PALLD: variants seen among roughly 807,000 people sequenced by gnomAD.
PALLD encodes the protein palladin.
Under a neutral mutation model 123.5 loss-of-function variants are expected in PALLD, and 61 were observed. The ratio of observed to expected loss-of-function variants is 0.49; its 90% confidence interval spans 0.40 to 0.61. The LOEUF (loss-of-function observed/expected upper bound fraction) is 0.61, where lower values mean the gene tolerates loss of function less well. Among genes scored for constraint, PALLD ranks in the 20% least tolerant of loss-of-function variants. The pLI, the probability that PALLD is intolerant of heterozygous loss-of-function variation, is 0.00. For missense variants in PALLD, 1,273 were observed against 1,377.0 expected, an observed-to-expected ratio of 0.92 and a Z score of 1.20; for synonymous variants, 465 against 496.4, an observed-to-expected ratio of 0.94 and a Z score of 0.84.
At chr4:168,509,511 C>T (rs1294864905) in intron 1 of PALLD, among the ~76,000 whole-genome samples, 1 of 152,112 alleles carries the variant, frequency 6.6e-6, no homozygotes, top group African/African-American at 2.4e-5. Flanking sequence ...TATAATTGTT[C>T]CTCATATACG....
chr4:168,790,565 C>T (rs1648017029), intron 10 of PALLD, among the ~76,000 whole-genome samples: 1 of 152,124 alleles, frequency 6.6e-6, no homozygotes, highest in Non-Finnish European at 1.5e-5. Context: ...ATTGACCAAT[C>T]TATGCTTTCT....
rs146972640 is a variant in PALLD, at chr4:168,511,771, C to A, written c.267C>A (p.His89Gln). Residue 89 changes from histidine (H) to glutamine (Q), a missense_variant, in exon 2 of 22, where the codon CAC (histidine) becomes CAA (glutamine). By Grantham distance (24) the His-to-Gln change is conservative. Transcript: ENST00000505667. ...ATAAGGAGACCAAATTGGGTGAACA[C>A]GCCTCGAGGAGACCTCAGGATAACA... ...PSHKETKLGE[H>Q]ASRRPQDNRS... The A allele has an allele frequency of 4.3e-6, 7 of 1,614,052 alleles. No homozygotes were observed. The African/African-American group carries it at 8.0e-5, about 18-fold the overall frequency.
chr4:168,695,063 T>C (rs952052658), intron 8 of PALLD, among the ~76,000 whole-genome samples: 6 of 152,188 alleles, frequency 3.9e-5, no homozygotes, highest in African/African-American at 1.4e-4. Context: ...CGTGCAAAAT[T>C]AAAAACACAA....
chr4:168,711,716 A>G lies in PALLD; in HGVS notation c.1757A>G (p.Gln586Arg). 1.2e-6 allele frequency: 2 copies of G among 1,614,196 alleles called. No homozygotes were observed. The highest frequency in any genetic ancestry group is 1.1e-5 in the South Asian group (1 of 91,084). The change falls in exon 10 of 22, where the codon CAG (glutamine) becomes CGG (arginine). Residue 586 changes from glutamine (Q) to arginine (R), a missense_variant. This residue lies in a region of PALLD where 944 missense variants were observed against 954.5 expected (regional missense o/e 0.99). Transcript: ENST00000505667. ...TCAAAGAAACCATCTGAGATCCAGCAGGTGAACAACCCTGAGTTAGGCCTG... is the reference window on the plus strand; with the variant it reads ...TCAAAGAAACCATCTGAGATCCAGCGGGTGAACAACCCTGAGTTAGGCCTG... ...LASKKPSEIQ[Q>R]VNNPELGLSR...
At position 168,711,677 on chromosome 4, in the gene PALLD, C is replaced by T; in HGVS notation, c.1718C>T (p.Ser573Phe). ...CCCCCTCCAATCTTGGAGACAAGTT[C>T]CTTGGAGTTGGCTTCAAAGAAACCA... is the stretch of plus-strand genomic sequence containing the variant. ...PPPPPILETSSLELASKKPSE... is the reference protein window; with the variant it reads ...PPPPPILETSFLELASKKPSE... The change falls in exon 10 of 22, where the codon TCC (serine) becomes TTC (phenylalanine). Residue 573 changes from serine (S) to phenylalanine (F), a missense_variant. Physicochemically the swap from Ser to Phe is radical, Grantham distance 155. This residue lies in a region of PALLD where 944 missense variants were observed against 954.5 expected (regional missense o/e 0.99). Coordinates refer to ENST00000505667, the MANE Select transcript of PALLD (RefSeq NM_001166108.2). The T allele has an allele frequency of 6.2e-7, 1 of 1,614,070 alleles. No individual in the cohort carries two copies. Among genetic ancestry groups the T allele is most frequent in the Non-Finnish European group, 8.5e-7 (1 of 1,179,972 alleles).
intron 10 of PALLD, among the ~76,000 whole-genome samples, chr4:168,754,639 G>A (rs1024813791): frequency 6.6e-5 from 10 of 152,296 alleles, no homozygotes; most frequent in African/African-American, 2.4e-4. Context: ...GATAAAAACA[G>A]GATTCAACCG....
intron 2 of PALLD, among the ~76,000 whole-genome samples, chr4:168,655,392 G>C (rs1388782700): frequency 6.6e-6 from 1 of 152,208 alleles, no homozygotes; most frequent in Non-Finnish European, 1.5e-5. Context: ...TGTTTGAGAT[G>C]CCTGTTTTGT....
chr4:168,820,848 C>T (rs983317743), intron 10 of PALLD, among the ~76,000 whole-genome samples: 3 of 152,086 alleles, frequency 2.0e-5, no homozygotes, highest in Admixed American at 2.0e-4. Flanking sequence ...CAAAAATTAC[C>T]TGCATCAGTG....
intron 10 of PALLD, among the ~76,000 whole-genome samples, chr4:168,807,614 G>C (rs1344668167): frequency 6.6e-6 from 1 of 151,710 alleles, no homozygotes; most frequent in Non-Finnish European, 1.5e-5. Context: ...TCTCCATGTT[G>C]GTCAGGCTGG....
chr4:168,592,330 G>A (rs1192695980), intron 2 of PALLD, among the ~76,000 whole-genome samples: 4 of 151,960 alleles, frequency 2.6e-5, no homozygotes, highest in African/African-American at 4.8e-5. Context: ...AGCCTATTAT[G>A]GATTTTTATG....
intron 10 of PALLD, among the ~76,000 whole-genome samples, chr4:168,716,620 G>A (rs1785392686): frequency 6.6e-6 from 1 of 152,058 alleles, no homozygotes. Context: ...TGCAAATCCT[G>A]TCTCCAGAGA....
intron 10 of PALLD, among the ~76,000 whole-genome samples, chr4:168,733,012 T>G (rs115547797): frequency 4.1e-3 from 629 of 152,286 alleles, no homozygotes; most frequent in African/African-American, 0.014. Context: ...AAAAGAAATG[T>G]TTAGGACTCA....
At chr4:168,782,526 A>G (rs776211979) in intron 10 of PALLD, among the ~76,000 whole-genome samples, 1 of 152,142 alleles carries the variant, frequency 6.6e-6, no homozygotes, top group Non-Finnish European at 1.5e-5. Flanking sequence ...GGCCATATGG[A>G]CTCTATAATA....
chr4:168,624,114 G>T (rs980036189), intron 2 of PALLD, among the ~76,000 whole-genome samples: 1 of 151,762 alleles, frequency 6.6e-6, no homozygotes, highest in Non-Finnish European at 1.5e-5. Context: ...TAATATTTTT[G>T]GTCACAATGC....
At chr4:168,784,414 T>G (rs941702807) in intron 10 of PALLD, among the ~76,000 whole-genome samples, 1 of 148,680 alleles carries the variant, frequency 6.7e-6, no homozygotes, top group African/African-American at 2.5e-5. Flanking sequence ...ACTGCAGGAG[T>G]GAGGAAGCCA....
At chr4:168,790,224 T>C (rs143144239) in intron 10 of PALLD, among the ~76,000 whole-genome samples, 4,556 of 150,750 alleles carry the variant, frequency 0.03, 220 homozygotes, top group African/African-American at 0.1. Context: ...TGCAATGGCG[T>C]AATCTCAGCT....
intron 2 of PALLD, among the ~76,000 whole-genome samples, chr4:168,560,394 T>A (rs986976871): frequency 4.6e-5 from 7 of 152,218 alleles, no homozygotes; most frequent in Non-Finnish European, 7.3e-5. Context: ...GCACTAGAAC[T>A]GTGCACAATG....
chr4:168,534,065 C>A (rs572209393), intron 2 of PALLD, among the ~76,000 whole-genome samples: 1 of 152,168 alleles, frequency 6.6e-6, no homozygotes, highest in Non-Finnish European at 1.5e-5. Flanking sequence ...TACCAAGGGG[C>A]TTTTAACATC....
intron 2 of PALLD, among the ~76,000 whole-genome samples, chr4:168,577,804 C>T (rs1769784853): frequency 6.8e-6 from 1 of 147,986 alleles, no homozygotes; most frequent in African/African-American, 2.7e-5. Context: ...TTTTGGAGGA[C>T]CTTGGCCAAA....
Sources: allele counts gnomAD v4.1 joint callset (sites outside exome capture counted in the v4.1 genomes callset), GRCh38; gene constraint gnomAD v4.1.1; regional missense constraint gnomAD v4.1.1; transcripts MANE v1.5; gene names NCBI Gene and HGNC (gene_info 2026-07-23, HGNC 2026-07-21).